The following CA9 variants were observed in gnomAD, a reference collection of about 807,000 sequenced individuals.
CA9 encodes carbonic anhydrase 9.
Under a neutral mutation model 51.8 loss-of-function variants are expected in CA9, and 43 were observed. That is an observed-to-expected ratio of 0.83 (90% CI 0.65 to 1.07). CA9 has a LOEUF of 1.07. Among genes scored for constraint, CA9 ranks in the 50% least tolerant of loss-of-function variants. The pLI, the probability that CA9 is intolerant of heterozygous loss-of-function variation, is 0.00. For synonymous variants in CA9, 253 were observed against 244.2 expected (o/e 1.04, Z -0.34); for missense variants, 574 against 581.4 (o/e 0.99, Z 0.13).
In CA9 at chr9:35,676,284, G is replaced by T. The variant is rs769470297; in HGVS notation, c.748-13G>T. On this transcript the variant is annotated splice_polypyrimidine_tract_variant and intron_variant, in intron 4 of 10. Transcript: ENST00000378357. ...AGAGACGTGGCCCTCTCCTACCCTC[G>T]TGTCCTTTTCAGATCCACGTGGTTC... The T allele has an allele frequency of 6.2e-7, 1 of 1,614,008 alleles. No homozygotes were observed. Among genetic ancestry groups the T allele is most frequent in the Admixed American group, 1.7e-5 (1 of 60,022 alleles).
intron 1 of CA9, chr9:35,674,606 G>C: frequency 2.3e-6 from 1 of 441,634 alleles, no homozygotes; most frequent in Non-Finnish European, 4.0e-6. Context: ...GAGAGAAGGG[G>C]GAGGCTGGAG....
chr9:35,678,215 G>A (rs968753620), intron 6 of CA9, among the ~76,000 whole-genome samples: 11 of 151,770 alleles, frequency 7.2e-5, no homozygotes, highest in African/African-American at 2.2e-4. Context: ...GCGTGGTGGC[G>A]GGTGCCTGTA....
intron 9 of CA9, among the ~76,000 whole-genome samples, 170 bp downstream of exon 9, chr9:35,680,309 C>T (rs750307903): frequency 5.3e-5 from 8 of 152,238 alleles, no homozygotes; most frequent in Admixed American, 1.3e-4. Context: ...TCCCCAGAGG[C>T]TAATTGATTA....
intron 7 of CA9, 139 bp downstream of exon 7, chr9:35,679,481 TG>T: frequency 9.0e-6 from 10 of 1,105,488 alleles, no homozygotes; most frequent in Non-Finnish European, 1.1e-5. Context: ...GAGGCTGAGG[TG>T]GGAGAATGGT....
At position 35,675,831 on chromosome 9, in the gene CA9, C is replaced by T; in HGVS notation, c.504C>T (p.Pro168=). The change falls in exon 3 of 11, where the codon CCC becomes CCT. Residue 168 remains proline, a synonymous_variant. Transcript: ENST00000378357. ...GRFQSPVDIR[P]QLAAFCPALR... ...TCCAGTCCCCGGTGGATATCCGCCC[C>T]CAGCTCGCCGCCTTCTGCCCGGCCC... 1 of 1,604,214 alleles carries T rather than the reference C, an allele frequency of 6.2e-7. No homozygotes were observed. The highest frequency in any genetic ancestry group is 8.5e-7 in the Non-Finnish European group (1 of 1,179,444).
intron 6 of CA9, among the ~76,000 whole-genome samples, chr9:35,678,528 TCTC>T (rs1252849546): frequency 2.0e-5 from 3 of 152,144 alleles, no homozygotes; most frequent in Admixed American, 6.5e-5. Flanking sequence ...TGGAAATCGT[TCTC>T]TTCTTAGTCA....
At chr9:35,678,074 C>T (rs1271771455) in intron 6 of CA9, among the ~76,000 whole-genome samples, 1 of 152,004 alleles carries the variant, frequency 6.6e-6, no homozygotes, top group Non-Finnish European at 1.5e-5. Flanking sequence ...CCGCCGGGCA[C>T]GGTGGCTCAC....
intron 5 of CA9, 120 bp downstream of exon 5, chr9:35,676,509 C>A: frequency 4.0e-6 from 3 of 752,042 alleles, no homozygotes; most frequent in Non-Finnish European, 6.7e-6. Flanking sequence ...CTGACAAACT[C>A]ATTCACGCAC....
At chr9:35,677,986 C>A in intron 6 of CA9, 130 bp downstream of exon 6, 3 of 718,588 alleles carry the variant, frequency 4.2e-6, no homozygotes, top group South Asian at 1.5e-5. Context: ...AGCCAGCGCT[C>A]ATCTTGATAA....
chr9:35,675,482 G>A, intron 1 of CA9, 56 bp from the exon 2 acceptor site: 1 of 1,601,210 alleles, frequency 6.2e-7, no homozygotes, highest in South Asian at 1.1e-5. Flanking sequence ...CGTTTTGGTC[G>A]CCAGGAAGGG....
intron 2 of CA9, 86 bp from the exon 3 acceptor site, chr9:35,675,675 C>T: frequency 1.4e-6 from 2 of 1,413,872 alleles, no homozygotes; most frequent in Non-Finnish European, 2.0e-6. Flanking sequence ...CGCCGCCCAC[C>T]GTCCCACCCC....
Position 35,674,164 on chromosome 9 carries a change from G to A in CA9, c.205G>A (p.Glu69Lys), listed in dbSNP as rs747450063. Reference protein sequence around the residue: ...PLGEEDLPSEEDSPREEDPPG... With the variant: ...PLGEEDLPSEKDSPREEDPPG... ...GGGCGAGGAGGATCTGCCCAGTGAAGAGGATTCACCCAGAGAGGAGGATCC... is the reference window on the plus strand; with the variant it reads ...GGGCGAGGAGGATCTGCCCAGTGAAAAGGATTCACCCAGAGAGGAGGATCC... The change falls in exon 1 of 11, where the codon GAG becomes AAG. Residue 69 changes from glutamate to lysine, a missense_variant. By Grantham distance (56) the Glu-to-Lys change is moderately conservative. Transcript: ENST00000378357. 5.6e-6 allele frequency: 9 copies of A among 1,614,182 alleles called. No individual in the cohort carries two copies. The highest frequency in any genetic ancestry group is 4.2e-6 in the Non-Finnish European group (5 of 1,180,018).
chr9:35,679,544 C>G (rs1428096972), intron 7 of CA9, among the ~76,000 whole-genome samples: 1 of 134,062 alleles, frequency 7.5e-6, no homozygotes, highest in Non-Finnish European at 1.7e-5. Flanking sequence ...GACCCCATCT[C>G]TACCAAAAAA....
chr9:35,681,029 C>G lies in CA9; in HGVS notation c.*4C>G, dbSNP rs200024122. The G allele has an allele frequency of 1.3e-5, 21 of 1,613,480 alleles. No homozygotes were observed. Among genetic ancestry groups the G allele is most frequent in the Non-Finnish European group, 1.8e-5 (21 of 1,179,838 alleles). On this transcript the variant is annotated 3_prime_UTR_variant, in exon 11 of 11. Transcript: ENST00000378357. ...GGTAGCCGAGACTGGAGCCTAGAGG[C>G]TGGATCTTGGAGAATGTGAGAAGCC...
chr9:35,676,048 G>C lies in CA9; in HGVS notation c.605-16G>C. On this transcript the variant is annotated splice_polypyrimidine_tract_variant and intron_variant, in intron 3 of 10. Coordinates refer to ENST00000378357, the MANE Select transcript of CA9 (RefSeq NM_001216.3). ...CCTACCGGGCGGGGCCGGCTCACTT[G>C]CCTCTCCCTACGCAGTGCAACTGAC... is the stretch of plus-strand genomic sequence containing the variant. 2 of 1,612,208 alleles carry C rather than the reference G, an allele frequency of 1.2e-6. No homozygotes were observed.
intron 6 of CA9, among the ~76,000 whole-genome samples, chr9:35,678,166 G>A (rs1237947071): frequency 6.6e-6 from 1 of 151,966 alleles, no homozygotes; most frequent in Non-Finnish European, 1.5e-5. Context: ...CCAACATGGT[G>A]AAACCCCATC....
chr9:35,679,916 A>T lies in CA9; in HGVS notation c.1128A>T (p.Arg376=), dbSNP rs1039569215. The part of the protein sequence containing the change: ...PGDSRLQLNF[R]ATQPLNGRVI... ...ACTCTCGGCTACAGCTGAACTTCCG[A>T]GCGACGCAGCCTTTGAATGGGCGAG... is the stretch of plus-strand genomic sequence containing the variant. The change falls in exon 8 of 11, where the codon CGA becomes CGT. Residue 376 remains arginine, a synonymous_variant. Coordinates refer to ENST00000378357, the MANE Select transcript of CA9 (RefSeq NM_001216.3). 13 of 1,613,480 alleles carry T rather than the reference A, an allele frequency of 8.1e-6. No homozygotes were observed. The highest frequency in any genetic ancestry group is 1.3e-5 in the African/African-American group (1 of 74,814).
intron 3 of CA9, 57 bp downstream of exon 3, chr9:35,675,988 C>T: frequency 1.2e-6 from 2 of 1,602,212 alleles, no homozygotes; most frequent in East Asian, 4.5e-5. Context: ...GGAAGGGAAC[C>T]GTCGCGGCAG....
At position 35,680,109 on chromosome 9, in the gene CA9, C is replaced by T. The variant is rs776104167; in HGVS notation, c.1211-4C>T. The T allele has an allele frequency of 1.2e-6, 2 of 1,614,092 alleles. No individual in the cohort carries two copies. Among genetic ancestry groups the T allele is most frequent in the African/African-American group, 1.3e-5 (1 of 74,936 alleles). ...CGCCTCTCACATCTCCTTTTTCTCT[C>T]CAGTCCAGCTGAATTCCTGCCTGGC... is the stretch of plus-strand genomic sequence containing the variant. On this transcript the variant is annotated splice_region_variant and splice_polypyrimidine_tract_variant and intron_variant, in intron 8 of 10. Transcript: ENST00000378357.
Sources: allele counts gnomAD v4.1 joint callset (sites outside exome capture counted in the v4.1 genomes callset), GRCh38; gene constraint gnomAD v4.1.1; transcripts MANE v1.5; gene names NCBI Gene and HGNC (gene_info 2026-07-23, HGNC 2026-07-21).